Variants in GPC6 observed in about 807,000 individuals in gnomAD.
GPC6 encodes the protein glypican-6.
A neutral mutation model predicts 55.2 loss-of-function variants in GPC6; 14 were observed. The observed-to-expected ratio is 0.25, with a 90% CI of 0.17 to 0.40. The LOEUF (loss-of-function observed/expected upper bound fraction) is 0.40, where lower values mean the gene tolerates loss of function less well. Ranked by LOEUF, GPC6 falls within the 10% of genes least tolerant of loss-of-function variation. The pLI, the probability that GPC6 is intolerant of heterozygous loss-of-function variation, is 1.00. For synonymous variants in GPC6, 278 were observed against 259.6 expected (o/e 1.07, Z -0.68); for missense variants, 641 against 708.5 (o/e 0.90, Z 1.08).
chr13:93,262,167 A>G (rs1877173596), intron 1 of GPC6, among the ~76,000 whole-genome samples: 1 of 152,104 alleles, frequency 6.6e-6, no homozygotes, highest in Non-Finnish European at 1.5e-5. Flanking sequence ...CTTGGCTTAT[A>G]CAACATTCCT....
chr13:93,285,545 A>G (rs1299501943), intron 1 of GPC6, among the ~76,000 whole-genome samples: 3 of 151,260 alleles, frequency 2.0e-5, no homozygotes, highest in East Asian at 1.9e-4. Flanking sequence ...CAAAAAGCCA[A>G]TTTGTATAAT....
intron 1 of GPC6, among the ~76,000 whole-genome samples, chr13:93,381,010 T>A (rs1359974973): frequency 6.6e-6 from 1 of 152,162 alleles, no homozygotes; most frequent in Non-Finnish European, 1.5e-5. Context: ...AATTTTATTT[T>A]AAGTGTCTCA....
chr13:93,544,308 A>G (rs745782536), intron 1 of GPC6, among the ~76,000 whole-genome samples: 2 of 150,194 alleles, frequency 1.3e-5, no homozygotes, highest in Non-Finnish European at 3.0e-5. Context: ...ACATACCTTT[A>G]TAAGTACTAT....
chr13:94,331,759 G>GCAAGGATCACTAC (rs1377179880), intron 6 of GPC6, among the ~76,000 whole-genome samples: 1 of 152,170 alleles, frequency 6.6e-6, no homozygotes, highest in African/African-American at 2.4e-5. Flanking sequence ...AAGATGGAAA[G>GCAAGGATCACTAC]CAAGGATCAC....
At chr13:94,398,418 G>GT in intron 7 of GPC6, 48 bp from the exon 8 acceptor site, 1 of 1,416,336 alleles carries the variant, frequency 7.1e-7, no homozygotes, top group Non-Finnish European at 1.0e-6. Context: ...TGGTTTTACA[G>GT]TTTCTGTGGC....
At chr13:93,605,842 TAAAAAAA>T (rs1193693750) in intron 2 of GPC6, among the ~76,000 whole-genome samples, 2 of 65,898 alleles carry the variant, frequency 3.0e-5, no homozygotes, top group African/African-American at 1.0e-4. Context: ...ACCGTCTCAA[TAAAAAAA>T]AAAAAAAAAA....
At chr13:94,219,799 A>C (rs1890329782) in intron 4 of GPC6, among the ~76,000 whole-genome samples, 1 of 152,064 alleles carries the variant, frequency 6.6e-6, no homozygotes, top group Non-Finnish European at 1.5e-5. Flanking sequence ...AAGACTTTAA[A>C]TTTTACCATT....
chr13:93,416,565 G>A (rs1313825275), intron 1 of GPC6, among the ~76,000 whole-genome samples: 5 of 152,106 alleles, frequency 3.3e-5, no homozygotes, highest in Non-Finnish European at 7.4e-5. Flanking sequence ...TACTCTTTCA[G>A]TTATTTTAAA....
chr13:93,576,364 A>T (rs933634538), intron 2 of GPC6, among the ~76,000 whole-genome samples: 6 of 152,192 alleles, frequency 3.9e-5, no homozygotes, highest in African/African-American at 1.4e-4. Context: ...GAATATTTAG[A>T]AGAAAGGAAT....
intron 3 of GPC6, among the ~76,000 whole-genome samples, chr13:93,925,087 G>A (rs1355824434): frequency 6.6e-6 from 1 of 152,106 alleles, no homozygotes; most frequent in African/African-American, 2.4e-5. Context: ...GTGCTACTGT[G>A]CATTTTACCT....
At chr13:93,316,438 T>A (rs1879250885) in intron 1 of GPC6, among the ~76,000 whole-genome samples, 4 of 152,076 alleles carry the variant, frequency 2.6e-5, no homozygotes, top group Admixed American at 2.6e-4. Flanking sequence ...TTCAAGGAGC[T>A]CATAATTAAG....
intron 4 of GPC6, among the ~76,000 whole-genome samples, chr13:94,266,159 T>TG (rs1454080558): frequency 0.017 from 2,386 of 142,624 alleles, 58 homozygotes; most frequent in African/African-American, 0.057. Flanking sequence ...TTCTTTTTTT[T>TG]TTTTGTTTGT....
chr13:93,988,785 C>T (rs1489984209), intron 3 of GPC6, among the ~76,000 whole-genome samples: 3 of 152,238 alleles, frequency 2.0e-5, no homozygotes, highest in Non-Finnish European at 2.9e-5. Flanking sequence ...GGGACACAAA[C>T]ATTCAACCTG....
At chr13:94,120,685 G>T (rs747020110) in intron 4 of GPC6, among the ~76,000 whole-genome samples, 3 of 152,070 alleles carry the variant, frequency 2.0e-5, no homozygotes, top group Non-Finnish European at 1.5e-5. Context: ...ACTGATAAAG[G>T]CTTTGGAATA....
At chr13:94,016,557 T>A (rs765594562) in intron 3 of GPC6, among the ~76,000 whole-genome samples, 10 of 152,206 alleles carry the variant, frequency 6.6e-5, no homozygotes, top group Non-Finnish European at 1.5e-4. Flanking sequence ...CTTCTCTTTT[T>A]CAAGATTGTT....
chr13:93,274,358 A>T (rs1594066515), intron 1 of GPC6, among the ~76,000 whole-genome samples: 1 of 152,300 alleles, frequency 6.6e-6, no homozygotes, highest in African/African-American at 2.4e-5. Context: ...AGTGATATGA[A>T]TGATTTATTG....
At chr13:93,717,713 A>G (rs1883301197) in intron 2 of GPC6, among the ~76,000 whole-genome samples, 1 of 151,674 alleles carries the variant, frequency 6.6e-6, no homozygotes, top group Non-Finnish European at 1.5e-5. Context: ...TGCTGCACCC[A>G]TCAACCAGTC....
At chr13:93,436,967 A>G (rs1486517914) in intron 1 of GPC6, among the ~76,000 whole-genome samples, 1 of 151,288 alleles carries the variant, frequency 6.6e-6, no homozygotes, top group Non-Finnish European at 1.5e-5. Flanking sequence ...TTTTTTCTCA[A>G]CAGAATATGA....
intron 1 of GPC6, among the ~76,000 whole-genome samples, chr13:93,356,318 A>G (rs944283663): frequency 6.6e-6 from 1 of 152,228 alleles, no homozygotes; most frequent in East Asian, 1.9e-4. Context: ...GTAGAGCAAG[A>G]GTTCAAGATA....
Sources: gnomAD v4.1 joint callset for allele counts (sites outside exome capture counted in the v4.1 genomes callset) on GRCh38, gnomAD v4.1.1 for gene constraint, MANE v1.5 for transcripts, NCBI Gene and HGNC (gene_info 2026-07-23, HGNC 2026-07-21) for gene names.